The following SNED1 variants were observed in gnomAD, a reference collection of about 807,000 sequenced individuals.
SNED1 encodes sushi, nidogen and EGF-like domain-containing protein 1.
In SNED1, 81 loss-of-function variants were observed where a neutral mutation model predicts 166.7. That is an observed-to-expected ratio of 0.49 (90% confidence interval 0.41 to 0.58). The LOEUF (loss-of-function observed/expected upper bound fraction) is 0.58. Among genes scored for constraint, SNED1 ranks in the 20% least tolerant of loss-of-function variants. SNED1 has a pLI of 0.00. For synonymous variants in SNED1, 762 were observed against 822.0 expected, an observed-to-expected ratio of 0.93 and a Z score of 1.25; for missense variants, 1,604 against 2,000.2, an observed-to-expected ratio of 0.80 and a Z score of 3.78.
At position 240,998,852 on chromosome 2, in the gene SNED1, C is replaced by A; in HGVS notation, c.15C>A (p.Val5=). ...ACACCTCCGCGATGCGGCACGGCGT[C>A]GCCTGGGCGCTGCTGGTGGCCGCGG... MRHG[V]AWALLVAAAL... The change falls in exon 1 of 32, where the codon GTC becomes GTA. Residue 5 remains valine, a synonymous_variant. Transcript: ENST00000310397. 1.7e-6 allele frequency: 2 copies of A among 1,202,994 alleles called. No individual in the cohort carries two copies. Among genetic ancestry groups the A allele is most frequent in the South Asian group, 7.3e-5 (2 of 27,372 alleles). The allele number at this position is 1,202,994 out of a possible 1,614,324, so 74.5% of individuals were successfully genotyped here. A position where few individuals can be genotyped will look rare whatever the true frequency, so the allele number is the denominator to read the frequency against.
At chr2:241,078,987 G>A (rs927851935) in intron 27 of SNED1, among the ~76,000 whole-genome samples, 8 of 151,472 alleles carry the variant, frequency 5.3e-5, no homozygotes, top group South Asian at 2.1e-4. Flanking sequence ...GGTGGCACAC[G>A]CCTATAATCC....
chr2:241,082,575 G>T (rs1220650635), intron 29 of SNED1, among the ~76,000 whole-genome samples: 1 of 152,214 alleles, frequency 6.6e-6, no homozygotes, highest in Non-Finnish European at 1.5e-5. Context: ...ATGCAGCTCA[G>T]GAGCAGGGGC....
At chr2:241,037,403 C>G in intron 6 of SNED1, 50 bp downstream of exon 6, 2 of 1,242,490 alleles carry the variant, frequency 1.6e-6, no homozygotes, top group Non-Finnish European at 2.3e-6. Context: ...GGCAGGATAG[C>G]GGGAGACACA....
At chr2:241,000,524 A>C (rs1224845326) in intron 1 of SNED1, among the ~76,000 whole-genome samples, 1 of 152,166 alleles carries the variant, frequency 6.6e-6, no homozygotes, top group Admixed American at 6.5e-5. Flanking sequence ...GGACACTCAC[A>C]TTGGCACCAT....
At chr2:241,007,805 A>G (rs935986896) in intron 1 of SNED1, among the ~76,000 whole-genome samples, 1 of 152,192 alleles carries the variant, frequency 6.6e-6, no homozygotes, top group Non-Finnish European at 1.5e-5. Flanking sequence ...ATTCCATTCT[A>G]TGGCTACACT....
chr2:241,040,481 C>A, intron 8 of SNED1, 68 bp downstream of exon 8: 1 of 961,806 alleles, frequency 1.0e-6, no homozygotes, highest in Non-Finnish European at 1.5e-6. Flanking sequence ...ACCCCCATAG[C>A]CACTTTCCCC....
Position 241,018,304 on chromosome 2 carries a change from C to CT in SNED1, c.214-11978dup, listed in dbSNP as rs1297406034. Among the ~76,000 whole-genome samples the CT allele has an allele frequency of 1.3e-5, 2 of 152,218 alleles. No homozygotes were observed. Among genetic ancestry groups the CT allele is most frequent in the Non-Finnish European group, 2.9e-5 (2 of 68,034 alleles). On this transcript the variant is annotated intron_variant, in intron 1 of 31. Transcript: ENST00000310397. This position sits in a 1 kb window ranked among gnomAD's most constrained non-coding sequence, Gnocchi z 5.4. ...AAGCAAGGTTGTGCCCACACATGCA[C>CT]TTACATGGGGGCACGTTTGGGTGCA...
intron 31 of SNED1, chr2:241,089,847 C>T: frequency 1.4e-6 from 2 of 1,417,296 alleles, no homozygotes; most frequent in Non-Finnish European, 1.9e-6. Flanking sequence ...TGGCAGAGCC[C>T]ATGCTCCCGG....
At chr2:241,084,019 C>T (rs556237925) in intron 29 of SNED1, among the ~76,000 whole-genome samples, 2 of 151,802 alleles carry the variant, frequency 1.3e-5, no homozygotes, top group East Asian at 3.9e-4. Flanking sequence ...ACTGGTTATA[C>T]TTCTTAGGTT....
intron 20 of SNED1, 96 bp downstream of exon 20, chr2:241,065,053 G>A: frequency 4.0e-6 from 4 of 991,836 alleles, no homozygotes; most frequent in Non-Finnish European, 5.8e-6. Context: ...TCTGGCCGCT[G>A]CTTGCCCAGG....
intron 29 of SNED1, among the ~76,000 whole-genome samples, chr2:241,086,404 C>A (rs1335110357): frequency 6.6e-6 from 1 of 152,172 alleles, no homozygotes; most frequent in Non-Finnish European, 1.5e-5. Context: ...GTCTCCCCAA[C>A]TTCAATCTCT....
At chr2:241,059,855 G>A (rs2062175801) in intron 16 of SNED1, among the ~76,000 whole-genome samples, 1 of 152,214 alleles carries the variant, frequency 6.6e-6, no homozygotes, top group African/African-American at 2.4e-5. Flanking sequence ...TACAAGGCAA[G>A]GTGTCCATTC....
chr2:241,084,375 A>AACTC (rs1265625595), intron 29 of SNED1, among the ~76,000 whole-genome samples: 1 of 152,042 alleles, frequency 6.6e-6, no homozygotes, highest in African/African-American at 2.4e-5. Flanking sequence ...GCTGGTCTCA[A>AACTC]ACTCATGACC....
At chr2:241,000,196 C>G (rs1454478248) in intron 1 of SNED1, among the ~76,000 whole-genome samples, 1 of 152,322 alleles carries the variant, frequency 6.6e-6, no homozygotes, top group African/African-American at 2.4e-5. Flanking sequence ...GTCATCATCC[C>G]TCCCCACCTC....
Position 241,068,772 on chromosome 2 carries a change from C to T in SNED1, c.3195-139C>T, listed in dbSNP as rs2062576390. On this transcript the variant is annotated intron_variant, in intron 22 of 31. Transcript: ENST00000310397. The surrounding 1 kb of genome is among the most constrained non-coding windows in gnomAD (Gnocchi z 5.3). The stretch of plus-strand genomic sequence containing the variant: ...CTCTGAGGGCCATGAGTCTGCCCCT[C>T]GTGGAGGTTGCCTGGGCCACCAGCA... 2.5e-5 allele frequency: 16 copies of T among 629,594 alleles called. No individual in the cohort carries two copies. The East Asian group carries it at 2.8e-4, about 11-fold the overall frequency. The allele number at this position is 629,594 out of a possible 1,614,324, so 39.0% of individuals were successfully genotyped here.
At chr2:241,079,355 T>C (rs1394464082) in intron 27 of SNED1, among the ~76,000 whole-genome samples, 1 of 142,136 alleles carries the variant, frequency 7.0e-6, no homozygotes, top group Non-Finnish European at 1.5e-5. Flanking sequence ...GAGCTTGCAG[T>C]GAGCCAAGAT....
rs2060472345 is a variant in SNED1, at chr2:241,013,269, T to G, written c.213+14219T>G. 6.6e-6 allele frequency among the ~76,000 whole-genome samples: 1 copy of G among 152,150 alleles called. No homozygotes were observed. Among genetic ancestry groups the G allele is most frequent in the African/African-American group, 2.4e-5 (1 of 41,424 alleles). On this transcript the variant is annotated intron_variant, in intron 1 of 31. Coordinates refer to ENST00000310397, the MANE Select transcript of SNED1 (RefSeq NM_001080437.3). This position sits in a 1 kb window ranked among gnomAD's most constrained non-coding sequence, Gnocchi z 4.6. ...CACCTCAGCCCCTGGTAACCATCCTTCTACTCTCTGCTTCTATGAACTCAA... is the reference window on the plus strand; with the variant it reads ...CACCTCAGCCCCTGGTAACCATCCTGCTACTCTCTGCTTCTATGAACTCAA...
intron 2 of SNED1, among the ~76,000 whole-genome samples, chr2:241,033,230 C>T (rs1268396443): frequency 6.6e-6 from 1 of 152,212 alleles, no homozygotes; most frequent in Non-Finnish European, 1.5e-5. Context: ...ATTTCTTAAA[C>T]AGTCCCGATC....
rs184351731 is a variant in SNED1, at chr2:241,040,142, G to A, written c.1113G>A (p.Ala371=). 4.6e-5 allele frequency: 73 copies of A among 1,598,850 alleles called. No individual in the cohort carries two copies. The highest frequency in any genetic ancestry group is 3.4e-4 in the East Asian group (15 of 44,352). ...AGTGCCAGGTGGAGAATGGCTCTGC[G>A]GTGTGTGTGTGCCAGGCCGGATACA... ...GGQCQVENGS[A]VCVCQAGYTG... is the part of the protein sequence containing the mutation. Residue 371 remains alanine (A), a synonymous_variant, in exon 7 of 32, where the codon GCG becomes GCA. Coordinates refer to ENST00000310397, the MANE Select transcript of SNED1 (RefSeq NM_001080437.3).
Sources: gnomAD v4.1 joint callset for allele counts (sites outside exome capture counted in the v4.1 genomes callset) on GRCh38, gnomAD v4.1.1 for gene constraint, Gnocchi (gnomAD v3.1) non-coding constraint, MANE v1.5 for transcripts, NCBI Gene and HGNC (gene_info 2026-07-23, HGNC 2026-07-21) for gene names.